Variants in FBXL17 observed in about 807,000 individuals in gnomAD.
FBXL17 encodes F-box/LRR-repeat protein 17.
FBXL17 carries 22 observed loss-of-function variants against 66.2 expected under a neutral mutation model. The observed-to-expected ratio is 0.33, with a 90% confidence interval of 0.24 to 0.47. The LOEUF (loss-of-function observed/expected upper bound fraction) is 0.47, where lower values mean the gene tolerates loss of function less well. FBXL17 is among the 20% of genes least tolerant of loss of function. The pLI, the probability that FBXL17 is intolerant of heterozygous loss-of-function variation, is 1.00. For synonymous variants in FBXL17, 474 were observed against 400.5 expected (o/e 1.18, Z -2.19); for missense variants, 878 against 948.2 (o/e 0.93, Z 0.97).
At chr5:108,227,416 A>C (rs1314944921) in intron 4 of FBXL17, among the ~76,000 whole-genome samples, 2 of 152,216 alleles carry the variant, frequency 1.3e-5, no homozygotes. Flanking sequence ...TTTCCCAAAG[A>C]TGTAGCTTAT....
chr5:108,111,229 A>G (rs1290074716), intron 6 of FBXL17, among the ~76,000 whole-genome samples: 5 of 148,630 alleles, frequency 3.4e-5, no homozygotes, highest in Non-Finnish European at 7.4e-5. Flanking sequence ...AAGAAAAAAA[A>G]AAGAAAGAAA....
At chr5:108,066,030 G>A (rs1245813314) in intron 6 of FBXL17, among the ~76,000 whole-genome samples, 1 of 152,098 alleles carries the variant, frequency 6.6e-6, no homozygotes, top group African/African-American at 2.4e-5. Flanking sequence ...GTTTATGGAA[G>A]GGATTTTCAT....
intron 4 of FBXL17, among the ~76,000 whole-genome samples, chr5:108,280,803 CTAAAAA>C (rs1757672706): frequency 6.7e-6 from 1 of 149,560 alleles, no homozygotes; most frequent in Non-Finnish European, 1.5e-5. Context: ...CACATAAAAA[CTAAAAA>C]TAAAGGGGTA....
intron 5 of FBXL17, among the ~76,000 whole-genome samples, chr5:108,189,653 C>G (rs1753386810): frequency 6.6e-6 from 1 of 152,124 alleles, no homozygotes; most frequent in Non-Finnish European, 1.5e-5. Context: ...AGAGATTTAG[C>G]AGCTATAATT....
At chr5:108,295,166 A>C (rs1256754360) in intron 4 of FBXL17, among the ~76,000 whole-genome samples, 4 of 152,000 alleles carry the variant, frequency 2.6e-5, no homozygotes, top group African/African-American at 9.7e-5. Flanking sequence ...ATTCCTAGTA[A>C]AATTTTAAAA....
intron 4 of FBXL17, among the ~76,000 whole-genome samples, chr5:108,235,853 CAT>C (rs1755576813): frequency 6.6e-6 from 1 of 152,134 alleles, no homozygotes; most frequent in Admixed American, 6.6e-5. Context: ...CTTTTTGATG[CAT>C]GCCAATGGCT....
At chr5:108,142,513 C>A (rs1751388713) in intron 6 of FBXL17, among the ~76,000 whole-genome samples, 1 of 152,210 alleles carries the variant, frequency 6.6e-6, no homozygotes, top group Admixed American at 6.5e-5. Context: ...CTGGCATTCA[C>A]AAGAGCACCT....
intron 6 of FBXL17, among the ~76,000 whole-genome samples, chr5:108,105,087 C>T (rs984912524): frequency 1.4e-4 from 22 of 152,120 alleles, no homozygotes; most frequent in Non-Finnish European, 2.9e-4. Context: ...GTGATCCGCC[C>T]GCCTCGGCCT....
At chr5:107,922,015 C>T (rs1158089980) in intron 7 of FBXL17, among the ~76,000 whole-genome samples, 1 of 152,176 alleles carries the variant, frequency 6.6e-6, no homozygotes, top group Admixed American at 6.5e-5. Context: ...GGCTTCCCTA[C>T]ACAAGTACTA....
intron 1 of FBXL17, among the ~76,000 whole-genome samples, chr5:108,373,872 C>T (rs551704542): frequency 5.6e-4 from 85 of 152,198 alleles, no homozygotes; most frequent in African/African-American, 2.0e-3. Context: ...GAGTTGTGAT[C>T]GTGCCACTGC....
intron 4 of FBXL17, among the ~76,000 whole-genome samples, chr5:108,311,658 C>G (rs1759122582): frequency 6.6e-6 from 1 of 152,046 alleles, no homozygotes; most frequent in Non-Finnish European, 1.5e-5. Flanking sequence ...ATCTCCACAT[C>G]CCCATTTGCC....
At chr5:108,272,997 T>G (rs1757337682) in intron 4 of FBXL17, among the ~76,000 whole-genome samples, 1 of 152,058 alleles carries the variant, frequency 6.6e-6, no homozygotes, top group Non-Finnish European at 1.5e-5. Context: ...AGATAAATTT[T>G]AAAGCTGGGC....
intron 6 of FBXL17, among the ~76,000 whole-genome samples, chr5:108,176,352 G>A (rs1022428284): frequency 6.6e-6 from 1 of 152,120 alleles, no homozygotes; most frequent in Non-Finnish European, 1.5e-5. Context: ...CACAAAAGCA[G>A]TTGCAGCATT....
intron 8 of FBXL17, chr5:107,880,336 C>T: frequency 2.0e-6 from 2 of 981,330 alleles, no homozygotes; most frequent in Non-Finnish European, 2.4e-6. Flanking sequence ...GCCTTGGCCT[C>T]CCAATGTGCT....
At chr5:108,238,729 G>T (rs117785523) in intron 4 of FBXL17, among the ~76,000 whole-genome samples, 1 of 152,012 alleles carries the variant, frequency 6.6e-6, no homozygotes, top group Admixed American at 6.5e-5. Flanking sequence ...ACGTTGCCCA[G>T]GCTGGTTTTG....
At chr5:107,992,240 T>C (rs1753281599) in intron 7 of FBXL17, among the ~76,000 whole-genome samples, 1 of 152,154 alleles carries the variant, frequency 6.6e-6, no homozygotes, top group Non-Finnish European at 1.5e-5. Context: ...TAATGATCAA[T>C]AGATTGAGTC....
rs539867607 is a variant in FBXL17, at chr5:107,883,817, C to T, written c.1823-2638G>A. ...CTAAGGGGGTGTAAGAGCCCCCTCA[C>T]GCTTCAGGGAAATGTGGATACATCA... On this transcript the variant is annotated intron_variant, in intron 7 of 8. Transcript: ENST00000542267. Among the ~76,000 whole-genome samples the T allele has an allele frequency of 3.8e-4, 58 of 152,246 alleles. No homozygotes were observed. The South Asian group carries it at 0.011, about 29-fold the overall frequency.
intron 4 of FBXL17, among the ~76,000 whole-genome samples, chr5:108,341,563 C>T (rs1401001176): frequency 6.6e-6 from 1 of 152,046 alleles, no homozygotes; most frequent in African/African-American, 2.4e-5. Flanking sequence ...CTTAATTTCT[C>T]AAAATAGATA....
In FBXL17 at chr5:108,134,663, T is replaced by C. The variant is rs371389250; in HGVS notation, c.1745+51454A>G. On this transcript the variant is annotated intron_variant, in intron 6 of 8. Coordinates refer to ENST00000542267, the MANE Select transcript of FBXL17 (RefSeq NM_001163315.3). The stretch of plus-strand genomic sequence containing the variant: ...ACTAACAGTGTGACAAGAGTAAATA[T>C]TGGAAGAAATTTTCCATGAAGTAGA... 2.4e-4 allele frequency among the ~76,000 whole-genome samples: 36 copies of C among 152,220 alleles called. 1 individual carries two copies. In the South Asian group the frequency reaches 2.9e-3, roughly 12 times the overall value.
Sources: allele counts gnomAD v4.1 joint callset (sites outside exome capture counted in the v4.1 genomes callset), GRCh38; gene constraint gnomAD v4.1.1; transcripts MANE v1.5; gene names NCBI Gene and HGNC (gene_info 2026-07-23, HGNC 2026-07-21).